DISC1: variants seen among roughly 807,000 people sequenced by gnomAD.
DISC1 encodes the protein disrupted in schizophrenia 1 protein.
DISC1 carries 57 observed loss-of-function variants against 84.5 expected under a neutral mutation model. That is an observed-to-expected ratio of 0.67 (90% confidence interval 0.55 to 0.84). The LOEUF (loss-of-function observed/expected upper bound fraction) is 0.84. Ranked by LOEUF, DISC1 falls within the 40% of genes least tolerant of loss-of-function variation. The pLI, the probability that DISC1 is intolerant of heterozygous loss-of-function variation, is 0.00. For missense variants in DISC1, 1,000 were observed against 1,057.8 expected (o/e 0.95, Z 0.76); for synonymous variants, 411 against 415.2 (o/e 0.99, Z 0.12).
intron 3 of DISC1, among the ~76,000 whole-genome samples, chr1:231,736,795 C>T (rs1473823568): frequency 6.6e-6 from 1 of 152,160 alleles, no homozygotes; most frequent in Non-Finnish European, 1.5e-5. Flanking sequence ...ACATTGATTG[C>T]TTTGTAGCTT....
Position 231,800,173 on chromosome 1 carries a change from A to G in DISC1, c.1755A>G (p.Leu585=). The G allele has an allele frequency of 5.0e-6, 8 of 1,612,048 alleles. No individual in the cohort carries two copies. The highest frequency in any genetic ancestry group is 1.1e-5 in the South Asian group (1 of 91,058). The part of the protein sequence containing the change: ...RKKVNDIETQ[L]PALLEAKMHA... ...AAGTTAACGATATTGAAACCCAACT[A>G]CCAGCCTTGCTTGAAGCCAAAATGC... Residue 585 remains leucine (L), a synonymous_variant, in exon 8 of 13, where the codon CTA becomes CTG. Coordinates refer to ENST00000439617, the MANE Select transcript of DISC1 (RefSeq NM_018662.3).
intron 9 of DISC1, among the ~76,000 whole-genome samples, chr1:231,891,582 G>C (rs894629260): frequency 3.9e-5 from 6 of 152,132 alleles, no homozygotes; most frequent in African/African-American, 1.4e-4. Flanking sequence ...ATTCCAGTGG[G>C]CTCTGGGATG....
chr1:231,962,219 T>C (rs1416992476), intron 10 of DISC1, among the ~76,000 whole-genome samples: 1 of 152,262 alleles, frequency 6.6e-6, no homozygotes, highest in East Asian at 1.9e-4. Flanking sequence ...CACTTTTTAA[T>C]AGAGTTATTT....
chr1:231,892,841 CTG>C (rs1264960002), intron 9 of DISC1, among the ~76,000 whole-genome samples: 5 of 152,026 alleles, frequency 3.3e-5, no homozygotes, highest in African/African-American at 1.2e-4. Context: ...ATGCAAATGA[CTG>C]AGAAGCTTGA....
chr1:231,964,556 C>T (rs1660833607), intron 10 of DISC1, among the ~76,000 whole-genome samples: 1 of 152,182 alleles, frequency 6.6e-6, no homozygotes, highest in African/African-American at 2.4e-5. Context: ...GAGTCTGCAA[C>T]CCCTCTGGCA....
rs548130591 is a variant in DISC1, at chr1:231,771,624, C to A, written c.1634+554C>A. The A allele has an allele frequency of 1.2e-5, 12 of 982,092 alleles. No individual in the cohort carries two copies. In the South Asian group the frequency reaches 5.7e-4, roughly 46 times the overall value. The allele number at this position is 982,092 out of a possible 1,614,324, so 60.8% of individuals were successfully genotyped here. A position where few individuals can be genotyped will look rare whatever the true frequency, so the allele number is the denominator to read the frequency against. ...TATTCATTTTACAGGTGAGGAAAAA[C>A]GTTTAAGAAGGTTATAATTTGCCCA... On this transcript the variant is annotated intron_variant, in intron 6 of 12. Transcript: ENST00000439617.
intron 12 of DISC1, 102 bp from the exon 13 acceptor site, chr1:232,036,590 C>A: frequency 8.9e-7 from 1 of 1,129,912 alleles, no homozygotes; most frequent in Non-Finnish European, 1.2e-6. Flanking sequence ...AATTAGGTGT[C>A]AGTACCCATC....
chr1:231,924,407 G>A (rs993881257), intron 9 of DISC1, among the ~76,000 whole-genome samples: 5 of 152,180 alleles, frequency 3.3e-5, no homozygotes, highest in Admixed American at 2.0e-4. Flanking sequence ...CCATAGTTAC[G>A]GGACAAAAAT....
intron 1 of DISC1, among the ~76,000 whole-genome samples, chr1:231,648,974 G>A (rs1487708017): frequency 6.6e-5 from 10 of 151,886 alleles, no homozygotes; most frequent in East Asian, 3.9e-4. Flanking sequence ...TCTTGCTAGC[G>A]GTCTATCAAT....
At chr1:231,719,512 T>C (rs1217810839) in intron 3 of DISC1, among the ~76,000 whole-genome samples, 4 of 152,246 alleles carry the variant, frequency 2.6e-5, no homozygotes, top group African/African-American at 9.6e-5. Context: ...TTGCTAGCTG[T>C]ATAAGCTTGG....
intron 10 of DISC1, among the ~76,000 whole-genome samples, chr1:232,005,057 C>T: frequency 7.2e-6 from 1 of 138,504 alleles, no homozygotes; most frequent in African/African-American, 2.7e-5. Flanking sequence ...TCCTTCCTTC[C>T]TTCCCTCTCT....
intron 10 of DISC1, among the ~76,000 whole-genome samples, chr1:231,993,572 C>T (rs1665518333): frequency 6.6e-6 from 1 of 151,976 alleles, no homozygotes; most frequent in South Asian, 2.1e-4. Context: ...TAAAAATGAC[C>T]AAGATTTCTA....
chr1:231,920,685 T>A (rs2089940614), intron 9 of DISC1, among the ~76,000 whole-genome samples: 1 of 152,230 alleles, frequency 6.6e-6, no homozygotes, highest in South Asian at 2.1e-4. Context: ...ACATTTGGGT[T>A]GCTTCCCGCA....
chr1:231,975,043 G>A (rs1337978266), intron 10 of DISC1, among the ~76,000 whole-genome samples: 1 of 152,148 alleles, frequency 6.6e-6, no homozygotes, highest in African/African-American at 2.4e-5. Context: ...AGGTTGCAGT[G>A]AGCTGAGATC....
At chr1:231,953,035 G>A (rs1043695786) in intron 9 of DISC1, among the ~76,000 whole-genome samples, 4 of 152,158 alleles carry the variant, frequency 2.6e-5, no homozygotes, top group African/African-American at 9.7e-5. Context: ...CTTACTGGCA[G>A]TGTGACTTTG....
intron 1 of DISC1, among the ~76,000 whole-genome samples, chr1:231,643,124 G>A (rs747320908): frequency 6.6e-6 from 1 of 152,150 alleles, no homozygotes; most frequent in Non-Finnish European, 1.5e-5. Flanking sequence ...TTCTTTGGGT[G>A]TTCTTTTAGC....
rs1389020717 is a variant in DISC1 at position 231,791,379 on chromosome 1, CT to C, written c.1635-3862del. 4.6e-5 allele frequency among the ~76,000 whole-genome samples: 7 copies of C among 152,138 alleles called. No individual in the cohort carries two copies. The East Asian group carries it at 1.3e-3, about 29-fold the overall frequency. On this transcript the variant is annotated intron_variant, in intron 6 of 12. Coordinates refer to ENST00000439617, the MANE Select transcript of DISC1 (RefSeq NM_018662.3). Reference sequence around the variant, plus strand: ...TCCCATAATTACCAGCTGGTTACCCCTGGGAAAGTTACTTAAACCTCTCTTA... The same window carrying C: ...TCCCATAATTACCAGCTGGTTACCCCGGGAAAGTTACTTAAACCTCTCTTA...
intron 3 of DISC1, among the ~76,000 whole-genome samples, chr1:231,748,861 C>T (rs553458475): frequency 6.6e-6 from 1 of 152,248 alleles, no homozygotes; most frequent in East Asian, 1.9e-4. Context: ...GTAGGGAGTG[C>T]ATACCTTATG....
At chr1:231,912,798 TTTCTTTC>T (rs1370129375) in intron 9 of DISC1, among the ~76,000 whole-genome samples, 9 of 141,744 alleles carry the variant, frequency 6.3e-5, no homozygotes, top group Non-Finnish European at 1.2e-4. Context: ...TCTTTCTTTC[TTTCTTTC>T]TTTTTCTTTC....
Sources: allele counts gnomAD v4.1 joint callset (sites outside exome capture counted in the v4.1 genomes callset), GRCh38; gene constraint gnomAD v4.1.1; transcripts MANE v1.5; gene names NCBI Gene and HGNC (gene_info 2026-07-23, HGNC 2026-07-21).